CFAP77: variants seen among roughly 807,000 people sequenced by gnomAD.
CFAP77 encodes the protein cilia- and flagella-associated protein 77.
A neutral mutation model predicts 31.1 loss-of-function variants in CFAP77; 25 were observed. The observed-to-expected ratio is 0.80, with a 90% confidence interval of 0.59 to 1.12. The LOEUF (loss-of-function observed/expected upper bound fraction) is 1.12, where lower values mean the gene tolerates loss of function less well. Among genes scored for constraint, CFAP77 ranks in the 50% most tolerant of loss-of-function variants. The pLI, the probability that CFAP77 is intolerant of heterozygous loss-of-function variation, is 0.00. For missense variants in CFAP77, 377 were observed against 397.3 expected (o/e 0.95, Z 0.44); for synonymous variants, 151 against 159.9 (o/e 0.94, Z 0.42).
chr9:132,549,581 C>T (rs551874186), intron 5 of CFAP77, among the ~76,000 whole-genome samples: 7 of 152,128 alleles, frequency 4.6e-5, no homozygotes, highest in Non-Finnish European at 1.0e-4. Flanking sequence ...CTCATGCCTG[C>T]AATCCCAGCA....
At chr9:132,569,039 T>A (rs1367023691) in intron 5 of CFAP77, among the ~76,000 whole-genome samples, 2 of 152,216 alleles carry the variant, frequency 1.3e-5, no homozygotes, top group Admixed American at 1.3e-4. Context: ...GTTTCAGGGC[T>A]ATTTGCATAT....
At chr9:132,461,440 C>T (rs193022795) in intron 1 of CFAP77, among the ~76,000 whole-genome samples, 55 of 152,328 alleles carry the variant, frequency 3.6e-4, no homozygotes, top group African/African-American at 1.3e-3. Context: ...TCTGCTTCAG[C>T]GGCCTTCCTT....
At chr9:132,462,026 T>G (rs959720212) in intron 1 of CFAP77, among the ~76,000 whole-genome samples, 2 of 152,190 alleles carry the variant, frequency 1.3e-5, no homozygotes, top group African/African-American at 4.8e-5. Flanking sequence ...ATCTACCTAT[T>G]GAACATCTCC....
intron 3 of CFAP77, among the ~76,000 whole-genome samples, chr9:132,513,682 G>T (rs1852083207): frequency 1.3e-5 from 2 of 152,078 alleles, no homozygotes; most frequent in South Asian, 4.1e-4. Flanking sequence ...TACTGCTAAG[G>T]TGTTTCTCGT....
intron 5 of CFAP77, among the ~76,000 whole-genome samples, chr9:132,563,066 C>G (rs1173263656): frequency 1.3e-5 from 2 of 151,918 alleles, no homozygotes; most frequent in African/African-American, 4.8e-5. Flanking sequence ...GTCACCTAGG[C>G]TGGAGTGCAG....
At chr9:132,538,653 C>T (rs548698995) in intron 4 of CFAP77, among the ~76,000 whole-genome samples, 141 of 152,254 alleles carry the variant, frequency 9.3e-4, no homozygotes, top group African/African-American at 3.3e-3. Context: ...TAGTGGGCAC[C>T]TGTAATCCCA....
chr9:132,410,754 G>A (rs982078608), intron 1 of CFAP77, among the ~76,000 whole-genome samples: 5 of 152,236 alleles, frequency 3.3e-5, no homozygotes, highest in Admixed American at 2.6e-4. Context: ...CGCCTGACAT[G>A]GGGTAAGGCT....
At chr9:132,478,351 G>C (rs1055554718) in intron 1 of CFAP77, among the ~76,000 whole-genome samples, 1 of 151,972 alleles carries the variant, frequency 6.6e-6, no homozygotes, top group Non-Finnish European at 1.5e-5. Flanking sequence ...TACCCTGCAC[G>C]AGGCTCACAG....
intron 1 of CFAP77, among the ~76,000 whole-genome samples, chr9:132,467,202 T>C (rs1188999571): frequency 6.6e-6 from 1 of 152,066 alleles, no homozygotes; most frequent in African/African-American, 2.4e-5. Flanking sequence ...TCATAAAATA[T>C]ACATAACAAA....
chr9:132,567,098 G>T (rs769331716), intron 5 of CFAP77, among the ~76,000 whole-genome samples: 1 of 152,172 alleles, frequency 6.6e-6, no homozygotes, highest in African/African-American at 2.4e-5. Flanking sequence ...AATTCACTCC[G>T]TGAGATTCCA....
chr9:132,479,177 C>T (rs541823406), intron 1 of CFAP77, among the ~76,000 whole-genome samples: 1 of 152,336 alleles, frequency 6.6e-6, no homozygotes, highest in Admixed American at 6.5e-5. Flanking sequence ...AATTATGCCA[C>T]ATACTCAGAA....
At chr9:132,437,100 G>A (rs930107182) in intron 1 of CFAP77, among the ~76,000 whole-genome samples, 13 of 152,268 alleles carry the variant, frequency 8.5e-5, no homozygotes, top group Admixed American at 1.3e-4. Flanking sequence ...TCTGTGTCAT[G>A]TGCATGTAAT....
chr9:132,486,084 ATATATATT>A lies in CFAP77; in HGVS notation c.196-12609_196-12602del, dbSNP rs1851549070. 2.2e-4 allele frequency among the ~76,000 whole-genome samples: 4 copies of A among 18,348 alleles called. 1 individual carries two copies. The highest frequency in any genetic ancestry group is 3.3e-4 in the Non-Finnish European group (4 of 11,972). The allele number at this position is 18,348 out of a possible 152,430, so 12.0% of individuals were successfully genotyped here. ...TGTGTGTGTATATATATATATATAT[ATATATATT>A]TTTTTTTTTTTTTTTTTTGAGACGG... On this transcript the variant is annotated intron_variant, in intron 1 of 5. Coordinates refer to ENST00000393216, the MANE Select transcript of CFAP77 (RefSeq NM_001282957.2).
chr9:132,446,743 CAAAAAAAAA>C (rs1184310514), intron 1 of CFAP77, among the ~76,000 whole-genome samples: 5 of 66,064 alleles, frequency 7.6e-5, no homozygotes, highest in African/African-American at 2.2e-4. Flanking sequence ...TCCTCCGTCT[CAAAAAAAAA>C]AAAAAAAAAA....
At chr9:132,458,136 G>C (rs1223277262) in intron 1 of CFAP77, among the ~76,000 whole-genome samples, 1 of 152,244 alleles carries the variant, frequency 6.6e-6, no homozygotes, top group African/African-American at 2.4e-5. Flanking sequence ...TGCGGTGCGT[G>C]TGAGATCCGG....
rs1053070212 is a variant in CFAP77, at chr9:132,511,549, C to A, written c.524+11949C>A. 6.6e-6 allele frequency among the ~76,000 whole-genome samples: 1 copy of A among 152,178 alleles called. No homozygotes were observed. The highest frequency in any genetic ancestry group is 2.4e-5 in the African/African-American group (1 of 41,430). ...TCAGTAAACGCTTGTTGACTGACTG[C>A]GTGAGAGGGAACAGATTGCTCAAAT... On this transcript the variant is annotated intron_variant, in intron 3 of 5. Transcript: ENST00000393216. The surrounding 1 kb of genome is among the most constrained non-coding windows in gnomAD (Gnocchi z 5.8).
chr9:132,436,782 C>T (rs1850511995), intron 1 of CFAP77, among the ~76,000 whole-genome samples: 1 of 152,026 alleles, frequency 6.6e-6, no homozygotes, highest in African/African-American at 2.4e-5. Context: ...GGAAAATGCC[C>T]ATGATAGGTT....
chr9:132,479,469 T>G (rs1411384751), intron 1 of CFAP77, among the ~76,000 whole-genome samples: 1 of 152,180 alleles, frequency 6.6e-6, no homozygotes, highest in Non-Finnish European at 1.5e-5. Flanking sequence ...GGGCTGGGCC[T>G]GGTTTGGTTG....
intron 5 of CFAP77, among the ~76,000 whole-genome samples, chr9:132,570,511 A>C (rs1182880189): frequency 6.6e-6 from 1 of 152,212 alleles, no homozygotes; most frequent in Non-Finnish European, 1.5e-5. Flanking sequence ...AAATGCTGCC[A>C]TGGAGGGTCC....
Sources: gnomAD v4.1 joint callset for allele counts (sites outside exome capture counted in the v4.1 genomes callset) on GRCh38, gnomAD v4.1.1 for gene constraint, Gnocchi (gnomAD v3.1) non-coding constraint, MANE v1.5 for transcripts, NCBI Gene and HGNC (gene_info 2026-07-23, HGNC 2026-07-21) for gene names.